Variants in FNDC3B observed in about 807,000 individuals in gnomAD.
FNDC3B encodes fibronectin type III domain-containing protein 3B.
FNDC3B carries 12 observed loss-of-function variants against 151.5 expected under a neutral mutation model. The ratio of observed to expected loss-of-function variants is 0.08; its 90% CI spans 0.05 to 0.13. FNDC3B has a LOEUF of 0.13. Among genes scored for constraint, FNDC3B ranks in the 10% least tolerant of loss-of-function variants. The pLI, the probability that FNDC3B is intolerant of heterozygous loss-of-function variation, is 1.00. For missense variants in FNDC3B, 1,214 were observed against 1,505.3 expected (o/e 0.81, Z 3.20); for synonymous variants, 528 against 549.0 (o/e 0.96, Z 0.54).
intron 4 of FNDC3B, among the ~76,000 whole-genome samples, chr3:172,231,879 GTTTTTTTTTT>G (rs33956893): frequency 9.6e-6 from 1 of 104,504 alleles, no homozygotes; most frequent in African/African-American, 3.6e-5. Context: ...TTTATTTACC[GTTTTTTTTTT>G]TTTTTTTTTG....
At chr3:172,299,139 A>T (rs1256246025) in intron 9 of FNDC3B, among the ~76,000 whole-genome samples, 1 of 152,264 alleles carries the variant, frequency 6.6e-6, no homozygotes, top group Non-Finnish European at 1.5e-5. Flanking sequence ...AGACCATCAT[A>T]TAAACTGTTT....
chr3:172,078,323 C>T (rs900979343), intron 1 of FNDC3B, among the ~76,000 whole-genome samples: 1 of 152,200 alleles, frequency 6.6e-6, no homozygotes, highest in Non-Finnish European at 1.5e-5. Flanking sequence ...TCTTTTCTTT[C>T]GACTTGTTGT....
chr3:172,092,991 T>A (rs1576855263), intron 1 of FNDC3B, among the ~76,000 whole-genome samples: 1 of 152,084 alleles, frequency 6.6e-6, no homozygotes, highest in Admixed American at 6.5e-5. Flanking sequence ...GCTACTTTTT[T>A]ATTTTTTGTA....
chr3:172,174,930 GCCACCCCCCCCCCC>G lies in FNDC3B; in HGVS notation c.187+41388_187+41401del, dbSNP rs1175631584. 7.3e-3 allele frequency among the ~76,000 whole-genome samples: 108 copies of G among 14,740 alleles called. 22 individuals carry two copies. The highest frequency in any genetic ancestry group is 0.018 in the South Asian group (4 of 220). The allele number at this position is 14,740 out of a possible 152,430, so 9.7% of individuals were successfully genotyped here. A position where few individuals can be genotyped will look rare whatever the true frequency, so the allele number is the denominator to read the frequency against. Reference sequence around the variant, plus strand: ...TGTGGACTTTGGAGACCTTCCCCCCGCCACCCCCCCCCCCCCAATACAATTTGCTGTCCATCCGG... The same window carrying G: ...TGTGGACTTTGGAGACCTTCCCCCCGCCAATACAATTTGCTGTCCATCCGG... On this transcript the variant is annotated intron_variant, in intron 3 of 25. Transcript: ENST00000415807.
intron 22 of FNDC3B, among the ~76,000 whole-genome samples, chr3:172,359,005 G>GTGGTGGTGA (rs1734235992): frequency 7.2e-6 from 1 of 139,518 alleles, no homozygotes; most frequent in Non-Finnish European, 1.6e-5. Flanking sequence ...GGTGGTGGTG[G>GTGGTGGTGA]TGGTGGTGGT....
chr3:172,172,836 G>A (rs1723352883), intron 3 of FNDC3B, among the ~76,000 whole-genome samples: 1 of 151,988 alleles, frequency 6.6e-6, no homozygotes, highest in Admixed American at 6.5e-5. Flanking sequence ...GACCTATTTT[G>A]CTTCTTTCAT....
intron 25 of FNDC3B, among the ~76,000 whole-genome samples, chr3:172,395,315 G>GT (rs1221119125): frequency 1.3e-5 from 2 of 151,996 alleles, no homozygotes; most frequent in Admixed American, 1.3e-4. Context: ...TTCCTCTTAA[G>GT]TTTTTTGAGG....
chr3:172,047,165 T>C (rs570455895), intron 1 of FNDC3B, among the ~76,000 whole-genome samples: 1 of 152,354 alleles, frequency 6.6e-6, no homozygotes, highest in Non-Finnish European at 1.5e-5. Flanking sequence ...TATGAAAAGC[T>C]TTCTGTTGAA....
chr3:172,139,436 G>A (rs1004041043), intron 3 of FNDC3B, among the ~76,000 whole-genome samples: 6 of 152,138 alleles, frequency 3.9e-5, no homozygotes, highest in African/African-American at 1.2e-4. Flanking sequence ...AGAAATTCCT[G>A]TTTTACTAGC....
chr3:172,181,402 A>AAC (rs1239279694), intron 3 of FNDC3B, among the ~76,000 whole-genome samples: 1 of 145,438 alleles, frequency 6.9e-6, no homozygotes, highest in Non-Finnish European at 1.5e-5. Context: ...CTCCAAAAAA[A>AAC]AAAAAAAAAA....
chr3:172,225,214 C>T (rs1042317912), intron 3 of FNDC3B, among the ~76,000 whole-genome samples: 2 of 152,148 alleles, frequency 1.3e-5, no homozygotes, highest in Non-Finnish European at 2.9e-5. Context: ...TTGCTCTGTG[C>T]GCAGGCTGGA....
In FNDC3B at chr3:172,400,746, G is replaced by A. The variant is rs1736530406; in HGVS notation, c.*3271G>A. 6.9e-6 allele frequency: 1 copy of A among 145,274 alleles called. No homozygotes were observed. The highest frequency in any genetic ancestry group is 2.5e-5 in the African/African-American group (1 of 40,090). 9.0% of individuals were successfully genotyped at this position (145,274 alleles called of 1,614,324 possible). A position where few individuals can be genotyped will look rare whatever the true frequency, so the allele number is the denominator to read the frequency against. On this transcript the variant is annotated 3_prime_UTR_variant, in exon 26 of 26. Transcript: ENST00000415807. ...GACTAGGATTGCTTTTGTTGTTGTT[G>A]TTGTTGTTTCTTTCTTTTTTTTTTT...
intron 6 of FNDC3B, among the ~76,000 whole-genome samples, chr3:172,264,547 T>A (rs1205063540): frequency 6.6e-6 from 1 of 152,202 alleles, no homozygotes; most frequent in Non-Finnish European, 1.5e-5. Flanking sequence ...TCTACCCCTC[T>A]CTCCTGTTCT....
chr3:172,278,233 T>C (rs1297698171), intron 6 of FNDC3B, among the ~76,000 whole-genome samples: 4 of 152,240 alleles, frequency 2.6e-5, no homozygotes, highest in Non-Finnish European at 4.4e-5. Context: ...CAAAAAGTAT[T>C]GTATAAGCTG....
chr3:172,213,117 T>TCAGCTTTCTGCCC (rs1292728688), intron 3 of FNDC3B, among the ~76,000 whole-genome samples: 1 of 152,230 alleles, frequency 6.6e-6, no homozygotes, highest in Non-Finnish European at 1.5e-5. Context: ...AAAGAGAGGA[T>TCAGCTTTCTGCCC]CAGCTTTCTG....
chr3:172,198,271 G>T lies in FNDC3B; in HGVS notation c.188-28600G>T, dbSNP rs183505630. On this transcript the variant is annotated intron_variant, in intron 3 of 25. Coordinates refer to ENST00000415807, the MANE Select transcript of FNDC3B (RefSeq NM_022763.4). ...TCGTATTTAGAAGCCAAGATCTGTG[G>T]GGGGGTACATGTGCCTGTTAGTATT... 5.8e-4 allele frequency among the ~76,000 whole-genome samples: 88 copies of T among 152,186 alleles called. 1 individual carries two copies. The East Asian group carries it at 0.013, about 22-fold the overall frequency.
At chr3:172,284,156 G>C (rs1479583210) in intron 6 of FNDC3B, among the ~76,000 whole-genome samples, 1 of 152,108 alleles carries the variant, frequency 6.6e-6, no homozygotes, top group African/African-American at 2.4e-5. Context: ...GCCTGTGCTG[G>C]GTGCTGCGGG....
intron 3 of FNDC3B, among the ~76,000 whole-genome samples, chr3:172,222,040 C>G (rs1726302245): frequency 6.6e-6 from 1 of 152,182 alleles, no homozygotes; most frequent in South Asian, 2.1e-4. Context: ...ATTATTTCAT[C>G]TTTGCCTTAT....
At chr3:172,270,776 C>T (rs1317648519) in intron 6 of FNDC3B, among the ~76,000 whole-genome samples, 1 of 152,184 alleles carries the variant, frequency 6.6e-6, no homozygotes, top group Non-Finnish European at 1.5e-5. Context: ...TTCCAGACAT[C>T]TTTTATAGAT....
Sources: allele counts gnomAD v4.1 joint callset (sites outside exome capture counted in the v4.1 genomes callset), GRCh38; gene constraint gnomAD v4.1.1; transcripts MANE v1.5; gene names NCBI Gene and HGNC (gene_info 2026-07-23, HGNC 2026-07-21).